MEGF9: variants seen among roughly 807,000 people sequenced by gnomAD.
MEGF9 encodes multiple EGF like domains 9, also known as multiple epidermal growth factor-like domains protein 9.
Under a neutral mutation model 46.8 loss-of-function variants are expected in MEGF9, and 6 were observed. The ratio of observed to expected loss-of-function variants is 0.13; its 90% CI spans 0.07 to 0.25. MEGF9 has a LOEUF of 0.25. Ranked by LOEUF, MEGF9 falls within the 10% of genes least tolerant of loss-of-function variation. MEGF9 has a pLI of 1.00. For missense variants in MEGF9, 683 were observed against 792.4 expected (o/e 0.86, Z 1.66); for synonymous variants, 302 against 330.7 (o/e 0.91, Z 0.94).
chr9:120,619,116 C>T (rs1392314061), intron 3 of MEGF9, among the ~76,000 whole-genome samples: 2 of 152,024 alleles, frequency 1.3e-5, no homozygotes, highest in Non-Finnish European at 2.9e-5. Flanking sequence ...GAGGCCGAGG[C>T]AGGCGGATCA....
intron 1 of MEGF9, among the ~76,000 whole-genome samples, chr9:120,665,063 T>C (rs2043719012): frequency 6.6e-6 from 1 of 152,206 alleles, no homozygotes; most frequent in African/African-American, 2.4e-5. Context: ...TAGAGTAAAT[T>C]ACAGTTAACT....
chr9:120,659,536 A>T lies in MEGF9; in HGVS notation c.641T>A (p.Val214Glu). 6.2e-7 allele frequency: 1 copy of T among 1,613,458 alleles called. No homozygotes were observed. Among genetic ancestry groups the T allele is most frequent in the Non-Finnish European group, 8.5e-7 (1 of 1,179,668 alleles). The change falls in exon 2 of 6, where the codon GTG (valine) becomes GAG (glutamate). Residue 214 changes from valine to glutamate, a missense_variant. By Grantham distance (121) the Val-to-Glu change is moderately radical. Around this residue, in one of 2 missense-constraint regions of MEGF9, gnomAD observed 370 missense variants for 371.3 expected, o/e 1.00. Coordinates refer to ENST00000373930, the MANE Select transcript of MEGF9 (RefSeq NM_001080497.3). Reference protein sequence around the residue: ...CNCSVVGSLNVNRCNQTTGQC... With the variant: ...CNCSVVGSLNENRCNQTTGQC... Reference sequence around the variant, plus strand: ...CCCTGTGGTCTGGTTGCAGCGATTCACATTCAGGCTTCCAACCACAGAGCA... The same window carrying T: ...CCCTGTGGTCTGGTTGCAGCGATTCTCATTCAGGCTTCCAACCACAGAGCA...
At chr9:120,634,874 TTC>T (rs1241299130) in intron 2 of MEGF9, among the ~76,000 whole-genome samples, 5 of 152,216 alleles carry the variant, frequency 3.3e-5, no homozygotes, top group African/African-American at 7.2e-5. Context: ...TTTGATTCTC[TTC>T]TCTTTCTCCT....
chr9:120,605,255 C>T lies in MEGF9; in HGVS notation c.1744G>A (p.Gly582Ser). Reference sequence around the variant, plus strand: ...TGCCCATTGGGAGCCACTTCATTGCCATCATCTTCCAACAATCCCGAAACA... The same window carrying T: ...TGCCCATTGGGAGCCACTTCATTGCTATCATCTTCCAACAATCCCGAAACA... Reference protein sequence around the residue: ...ADVSGLLEDDGNEVAPNGQLT... With the variant: ...ADVSGLLEDDSNEVAPNGQLT... The change falls in exon 6 of 6, where the codon GGC becomes AGC. Residue 582 changes from glycine (G) to serine (S), a missense_variant. Around this residue, in one of 2 missense-constraint regions of MEGF9, gnomAD observed 313 missense variants for 421.1 expected, o/e 0.74. Transcript: ENST00000373930. This position sits in a 1 kb window ranked among gnomAD's most constrained non-coding sequence, Gnocchi z 4.0. 1 of 1,613,994 alleles carries T rather than the reference C, an allele frequency of 6.2e-7. No homozygotes were observed. The highest frequency in any genetic ancestry group is 8.5e-7 in the Non-Finnish European group (1 of 1,179,888).
chr9:120,655,667 A>C (rs1318638361), intron 2 of MEGF9, among the ~76,000 whole-genome samples: 1 of 152,218 alleles, frequency 6.6e-6, no homozygotes, highest in Non-Finnish European at 1.5e-5. Context: ...TGTCAACCCC[A>C]AAAAACTAAC....
At chr9:120,677,870 A>T (rs1369011850) in intron 1 of MEGF9, among the ~76,000 whole-genome samples, 2 of 152,112 alleles carry the variant, frequency 1.3e-5, no homozygotes, top group African/African-American at 4.8e-5. Context: ...TCATGTTTCG[A>T]GAGTATATTT....
At chr9:120,694,982 C>T (rs1037177318) in intron 1 of MEGF9, among the ~76,000 whole-genome samples, 1 of 150,722 alleles carries the variant, frequency 6.6e-6, no homozygotes, top group East Asian at 1.9e-4. Flanking sequence ...CAAATATTTA[C>T]CACAGACCTA....
At chr9:120,656,034 T>C (rs1192561452) in intron 2 of MEGF9, among the ~76,000 whole-genome samples, 1 of 152,220 alleles carries the variant, frequency 6.6e-6, no homozygotes. Flanking sequence ...TAATGAATTC[T>C]AGGACATTTG....
chr9:120,671,317 T>C (rs923716006), intron 1 of MEGF9, among the ~76,000 whole-genome samples: 1 of 152,150 alleles, frequency 6.6e-6, no homozygotes. Flanking sequence ...CCCAAACATA[T>C]GGGTGAGGCC....
chr9:120,644,912 C>T (rs995211608), intron 2 of MEGF9, among the ~76,000 whole-genome samples: 3 of 152,136 alleles, frequency 2.0e-5, no homozygotes, highest in African/African-American at 7.2e-5. Context: ...GTAAAATGCC[C>T]TATAAGAGAG....
At chr9:120,656,497 A>G (rs1422832214) in intron 2 of MEGF9, among the ~76,000 whole-genome samples, 2 of 147,668 alleles carry the variant, frequency 1.4e-5, no homozygotes, top group African/African-American at 5.0e-5. Context: ...CAGTGAGCCA[A>G]GATCGTGCCA....
At chr9:120,711,873 C>CACACACACACACA in intron 1 of MEGF9, among the ~76,000 whole-genome samples, 1 of 78,436 alleles carries the variant, frequency 1.3e-5, no homozygotes, top group African/African-American at 4.8e-5. Flanking sequence ...ACACACACAC[C>CACACACACACACA]CACAGGCCTG....
intron 2 of MEGF9, among the ~76,000 whole-genome samples, chr9:120,649,245 G>A (rs2043638672): frequency 6.6e-6 from 1 of 152,158 alleles, no homozygotes. Flanking sequence ...CACAGATAAG[G>A]AAAGCTGACT....
At chr9:120,706,556 T>C (rs2043929681) in intron 1 of MEGF9, among the ~76,000 whole-genome samples, 1 of 152,198 alleles carries the variant, frequency 6.6e-6, no homozygotes, top group South Asian at 2.1e-4. Context: ...GGGAGGTGGC[T>C]GGGCACGGTG....
chr9:120,608,083 C>CGACTA (rs1207620052), intron 4 of MEGF9, 73 bp from the exon 5 acceptor site: 1 of 1,527,988 alleles, frequency 6.5e-7, no homozygotes, highest in Non-Finnish European at 9.0e-7. Flanking sequence ...AACTACTAGT[C>CGACTA]CTTAAAAAGA....
At chr9:120,680,503 C>T (rs1809227864) in intron 1 of MEGF9, among the ~76,000 whole-genome samples, 1 of 152,132 alleles carries the variant, frequency 6.6e-6, no homozygotes. Context: ...TGTGCTGAGC[C>T]ACCTGAAACT....
chr9:120,633,645 G>GT (rs1318168702), intron 2 of MEGF9, among the ~76,000 whole-genome samples: 4 of 151,666 alleles, frequency 2.6e-5, no homozygotes, highest in Non-Finnish European at 5.9e-5. Context: ...TTTGAGTTTT[G>GT]TTTTTTCTGG....
intron 2 of MEGF9, among the ~76,000 whole-genome samples, chr9:120,631,665 A>G (rs1447295291): frequency 6.6e-6 from 1 of 151,642 alleles, no homozygotes; most frequent in Admixed American, 6.6e-5. Context: ...TTGTAATTTT[A>G]GTAGAAATGG....
At chr9:120,671,478 G>A (rs1163340179) in intron 1 of MEGF9, among the ~76,000 whole-genome samples, 2 of 152,032 alleles carry the variant, frequency 1.3e-5, no homozygotes, top group African/African-American at 4.8e-5. Flanking sequence ...CATCACTACG[G>A]GGAATATTAT....
Sources: gnomAD v4.1 joint callset for allele counts (sites outside exome capture counted in the v4.1 genomes callset) on GRCh38, gnomAD v4.1.1 for gene constraint, gnomAD v4.1.1 regional missense constraint, Gnocchi (gnomAD v3.1) non-coding constraint, MANE v1.5 for transcripts, NCBI Gene and HGNC (gene_info 2026-07-23, HGNC 2026-07-21) for gene names.